The following VCAN variants were observed in gnomAD, a reference collection of about 807,000 sequenced individuals.
VCAN encodes versican.
VCAN carries 44 observed loss-of-function variants against 245.5 expected under a neutral mutation model. That is an observed-to-expected ratio of 0.18 (90% CI 0.14 to 0.23). VCAN has a LOEUF of 0.23. Ranked by LOEUF, VCAN falls within the 10% of genes least tolerant of loss-of-function variation. The pLI is 1.00. For missense variants in VCAN, 3,793 were observed against 4,057.9 expected (o/e 0.93, Z 1.77); for synonymous variants, 1,413 against 1,437.0 (o/e 0.98, Z 0.38).
rs200642203 is a variant in VCAN, at chr5:83,519,368, C to T, written c.1062C>T (p.Ile354=). Residue 354 remains isoleucine, a synonymous_variant, in exon 7 of 15, where the codon ATC becomes ATT. Coordinates refer to ENST00000265077, the MANE Select transcript of VCAN (RefSeq NM_004385.5). ...TTCTAGCTAAAGAGGCTACAACCAT[C>T]GATTTGAGTATCCTCGCAGAAACTG... The part of the protein sequence containing the change: ...YCFKPKEATT[I]DLSILAETAS... 26 of 1,613,986 alleles carry T rather than the reference C, an allele frequency of 1.6e-5. No individual in the cohort carries two copies. The highest frequency in any genetic ancestry group is 2.7e-5 in the African/African-American group (2 of 75,048).
Position 83,572,357 on chromosome 5 carries a change from G to T in VCAN, c.9736-59G>T, listed in dbSNP as rs1006596724. 7.5e-6 allele frequency: 12 copies of T among 1,594,710 alleles called. No individual in the cohort carries two copies. In the African/African-American group the frequency reaches 1.5e-4, roughly 20 times the overall value. On this transcript the variant is annotated intron_variant, in intron 12 of 14. Coordinates refer to ENST00000265077, the MANE Select transcript of VCAN (RefSeq NM_004385.5). ...AATTAGATTGTGATATAATACCGTC[G>T]TTGCTCTTACGTTACTTTTTGACTA...
chr5:83,503,327 C>A (rs1259824005), intron 5 of VCAN, among the ~76,000 whole-genome samples: 1 of 152,060 alleles, frequency 6.6e-6, no homozygotes, highest in Non-Finnish European at 1.5e-5. Flanking sequence ...CACCTTGATA[C>A]TTGATATATT....
At chr5:83,499,878 A>G (rs1459467620) in intron 5 of VCAN, among the ~76,000 whole-genome samples, 1 of 152,222 alleles carries the variant, frequency 6.6e-6, no homozygotes, top group East Asian at 1.9e-4. Context: ...ACCAAAAACA[A>G]CTTTTCCATT....
Position 83,541,611 on chromosome 5 carries a change from G to T in VCAN, c.8608G>T (p.Val2870Leu). 6.2e-7 allele frequency: 1 copy of T among 1,613,872 alleles called. No homozygotes were observed. The highest frequency in any genetic ancestry group is 8.5e-7 in the Non-Finnish European group (1 of 1,179,994). ...SPQDSFKEIHVNIEATFKPSS... is the reference protein window; with the variant it reads ...SPQDSFKEIHLNIEATFKPSS... The stretch of plus-strand genomic sequence containing the variant: ...ACAGGATTCTTTTAAGGAAATTCAT[G>T]TAAATATTGAAGCGACTTTCAAACC... Residue 2870 changes from valine to leucine, a missense_variant, in exon 8 of 15, where the codon GTA becomes TTA. By Grantham distance (32) the Val-to-Leu change is conservative. Around this residue, in one of 5 missense-constraint regions of VCAN, gnomAD observed 3,182 missense variants for 3,250.3 expected, o/e 0.98. Transcript: ENST00000265077.
At chr5:83,554,908 A>G (rs1747608959) in intron 11 of VCAN, 48 bp from the exon 12 acceptor site, 2 of 1,539,458 alleles carry the variant, frequency 1.3e-6, no homozygotes, top group Admixed American at 1.7e-5. Flanking sequence ...ATTTTCATCC[A>G]TATATGGAAA....
chr5:83,549,461 A>C (rs571058873), intron 10 of VCAN, among the ~76,000 whole-genome samples: 2 of 152,360 alleles, frequency 1.3e-5, no homozygotes, highest in African/African-American at 4.8e-5. Flanking sequence ...AATGTCACAC[A>C]GCTAGTAAAT....
In VCAN at chr5:83,519,444, C is replaced by T. The variant is rs747015409; in HGVS notation, c.1138C>T (p.Pro380Ser). 2.5e-6 allele frequency: 4 copies of T among 1,614,156 alleles called. No homozygotes were observed. The East Asian group carries it at 8.9e-5, about 36-fold the overall frequency. ...EPQMVSDRTT[P>S]IIPLVDELPV... ...ACAAATGGTTTCTGATAGAACTACA[C>T]CAATCATCCCTTTAGTTGATGAATT... is the stretch of plus-strand genomic sequence containing the variant. The change falls in exon 7 of 15, where the codon CCA becomes TCA. Residue 380 changes from proline to serine, a missense_variant. Pro to Ser is a moderately conservative substitution (Grantham distance 74, BLOSUM62 -1). Transcript: ENST00000265077.
intron 5 of VCAN, among the ~76,000 whole-genome samples, chr5:83,502,336 A>C (rs1338506136): frequency 6.6e-6 from 1 of 152,220 alleles, no homozygotes; most frequent in Non-Finnish European, 1.5e-5. Context: ...CTGAATCAAA[A>C]GAGCTTCTTT....
intron 5 of VCAN, among the ~76,000 whole-genome samples, chr5:83,506,138 C>T (rs930362709): frequency 1.3e-5 from 2 of 152,200 alleles, no homozygotes; most frequent in Admixed American, 6.5e-5. Context: ...GACATTTTAT[C>T]CACGGTCTTG....
At chr5:83,560,088 A>T (rs141742019) in intron 12 of VCAN, among the ~76,000 whole-genome samples, 1 of 152,242 alleles carries the variant, frequency 6.6e-6, no homozygotes, top group Non-Finnish European at 1.5e-5. Flanking sequence ...CCAAAGGAAA[A>T]CAAGTGTTTT....
rs773474075 is a variant in VCAN at position 83,541,457 on chromosome 5, G to A, written c.8454G>A (p.Ala2818=). 5.0e-6 allele frequency: 8 copies of A among 1,613,864 alleles called. No homozygotes were observed. In the Admixed American group the frequency reaches 5.0e-5, roughly 10 times the overall value. ...CAACATTAGCAGTTTCAACATTTGCGAAGTTGTCTTCTCAGACACCATCAT... is the reference window on the plus strand; with the variant it reads ...CAACATTAGCAGTTTCAACATTTGCAAAGTTGTCTTCTCAGACACCATCAT... ...TDTTLAVSTF[A]KLSSQTPSSP... The change falls in exon 8 of 15, where the codon GCG becomes GCA. Residue 2818 remains alanine (A), a synonymous_variant. Transcript: ENST00000265077.
intron 5 of VCAN, among the ~76,000 whole-genome samples, chr5:83,501,119 G>A (rs1424924907): frequency 6.6e-6 from 1 of 152,100 alleles, no homozygotes; most frequent in Non-Finnish European, 1.5e-5. Flanking sequence ...TGGTAGAACT[G>A]TCTACTCTGA....
At chr5:83,524,430 C>CAG (rs1346724561) in intron 7 of VCAN, among the ~76,000 whole-genome samples, 4 of 152,042 alleles carry the variant, frequency 2.6e-5, no homozygotes, top group Admixed American at 6.6e-5. Context: ...TTCCATCAGG[C>CAG]AGAATTCTAA....
chr5:83,538,989 A>C lies in VCAN; in HGVS notation c.5986A>C (p.Thr1996Pro). ...AGGACCCAGTAGCACCATGGTCAGC[A>C]CTTCAGCCTTCCCCTGGGAAGAGTT... ...SEGPSSTMVS[T>P]SAFPWEEFTS... Residue 1996 changes from threonine to proline, a missense_variant, in exon 8 of 15, where the codon ACT becomes CCT. Transcript: ENST00000265077. 3.7e-6 allele frequency: 6 copies of C among 1,614,016 alleles called. No homozygotes were observed. Among genetic ancestry groups the C allele is most frequent in the Non-Finnish European group, 5.1e-6 (6 of 1,179,964 alleles).
At chr5:83,557,818 GC>G (rs1747730237) in intron 12 of VCAN, among the ~76,000 whole-genome samples, 1 of 152,050 alleles carries the variant, frequency 6.6e-6, no homozygotes, top group Admixed American at 6.6e-5. Context: ...TAATTAGTTG[GC>G]ACTTTCACTT....
chr5:83,566,501 C>T (rs922754309), intron 12 of VCAN, among the ~76,000 whole-genome samples: 3 of 135,232 alleles, frequency 2.2e-5, no homozygotes, highest in African/African-American at 3.2e-5. Context: ...AGAAATTCAC[C>T]TTGAACAGTG....
At chr5:83,542,549 A>C (rs1437337147) in intron 8 of VCAN, among the ~76,000 whole-genome samples, 1 of 152,184 alleles carries the variant, frequency 6.6e-6, no homozygotes, top group Non-Finnish European at 1.5e-5. Context: ...AATGTTATAA[A>C]AATTCAATTT....
chr5:83,498,461 A>C (rs915343978), intron 5 of VCAN, among the ~76,000 whole-genome samples: 12 of 152,300 alleles, frequency 7.9e-5, no homozygotes, highest in African/African-American at 2.9e-4. Flanking sequence ...CTCCCTACTC[A>C]CCTTGATTTA....
rs751659968 is a variant in VCAN, at chr5:83,537,257, C to T, written c.4254C>T (p.Thr1418=). 1 of 1,613,952 alleles carries T rather than the reference C, an allele frequency of 6.2e-7. No homozygotes were observed. The highest frequency in any genetic ancestry group is 1.1e-5 in the South Asian group (1 of 91,082). The change falls in exon 8 of 15, where the codon ACC becomes ACT. Residue 1418 remains threonine (T), a synonymous_variant. Transcript: ENST00000265077. ...VQYINGKHLV[T]TVPKDPEAAE... ...ACATAAATGGGAAGCATCTCGTTAC[C>T]ACTGTGCCCAAGGACCCAGAAGCTG...
Sources: gnomAD v4.1 joint callset for allele counts (sites outside exome capture counted in the v4.1 genomes callset) on GRCh38, gnomAD v4.1.1 for gene constraint, gnomAD v4.1.1 regional missense constraint, MANE v1.5 for transcripts, NCBI Gene and HGNC (gene_info 2026-07-23, HGNC 2026-07-21) for gene names.